The following PIK3R3 variants were observed in gnomAD, a reference collection of about 807,000 sequenced individuals.
PIK3R3 encodes phosphoinositide-3-kinase regulatory subunit 3.
PIK3R3 carries 64 observed loss-of-function variants against 62.9 expected under a neutral mutation model. The ratio of observed to expected loss-of-function variants is 1.02; its 90% CI spans 0.83 to 1.25. PIK3R3 has a LOEUF of 1.25. Among genes scored for constraint, PIK3R3 ranks in the 50% most tolerant of loss-of-function variants. PIK3R3 has a pLI of 0.00. For missense variants in PIK3R3, 614 were observed against 561.6 expected, an observed-to-expected ratio of 1.09 and a Z score of -0.94; for synonymous variants, 165 against 189.0, an observed-to-expected ratio of 0.87 and a Z score of 1.04.
intron 1 of PIK3R3, chr1:46,131,612 TCCC>T: frequency 3.3e-6 from 1 of 300,854 alleles, no homozygotes; most frequent in East Asian, 8.4e-5. Context: ...GGGTCTCTCC[TCCC>T]ACCCCCACTT....
chr1:46,074,850 T>G (rs1649922529), intron 3 of PIK3R3, among the ~76,000 whole-genome samples: 1 of 152,192 alleles, frequency 6.6e-6, no homozygotes, highest in Admixed American at 6.5e-5. Flanking sequence ...AGCAGATACC[T>G]TACAAGGCTG....
At chr1:46,071,730 T>TATATAGAGAGAGAGAGAGAGAG (rs1163343399) in intron 3 of PIK3R3, among the ~76,000 whole-genome samples, 1 of 59,046 alleles carries the variant, frequency 1.7e-5, no homozygotes, top group African/African-American at 7.9e-5. Context: ...TATATATATA[T>TATATAGAGAGAGAGAGAGAGAG]AGAGAGAGAG....
upstream of PIK3R3, among the ~76,000 whole-genome samples, chr1:46,133,425 G>A (rs981847018): frequency 1.3e-5 from 2 of 152,306 alleles, no homozygotes; most frequent in African/African-American, 4.8e-5. Flanking sequence ...CGGACACAGA[G>A]GGGGCACGTT....
At position 46,087,675 on chromosome 1, in the gene PIK3R3, T is replaced by A. The variant is rs148101630; in HGVS notation, c.107-6925A>T. On this transcript the variant is annotated intron_variant, in intron 1 of 9. Coordinates refer to ENST00000262741, the MANE Select transcript of PIK3R3 (RefSeq NM_003629.4). ...GTCTCGAATTCCTGGGCTCAAATGA[T>A]CTTCCTGCCTTGGCCTCCCAAAGTG... Among the ~76,000 whole-genome samples, 171 of 146,670 alleles carry A rather than the reference T, an allele frequency of 1.2e-3. 1 individual carries two copies. The highest frequency in any genetic ancestry group is 9.6e-3 in the Admixed American group (134 of 13,982).
At chr1:46,079,299 A>G (rs931114071) in intron 2 of PIK3R3, among the ~76,000 whole-genome samples, 2 of 152,218 alleles carry the variant, frequency 1.3e-5, no homozygotes, top group Admixed American at 6.5e-5. Flanking sequence ...AGAAAATACA[A>G]TATTCAAATT....
At chr1:46,132,745 T>C (rs1051793186), upstream of PIK3R3, 2 of 1,287,062 alleles carry the variant, frequency 1.6e-6, no homozygotes, top group East Asian at 1.1e-4. Context: ...ACAGCAGGCA[T>C]CACCACCGCC....
chr1:46,082,582 A>T (rs1327541887), intron 1 of PIK3R3, among the ~76,000 whole-genome samples: 1 of 152,194 alleles, frequency 6.6e-6, no homozygotes, highest in Non-Finnish European at 1.5e-5. Flanking sequence ...GTTTGTGGGA[A>T]ATACACACAA....
chr1:46,074,304 AAAAAAAAAAAAAAC>A lies in PIK3R3; in HGVS notation c.314+3197_314+3210del, dbSNP rs1223305336. ...ACTCCGTCAAAAAAAAAAAAAAAAAAAAAAAAAAAAAAACCAATAAATTCAGCCTGACTCAACTT... is the reference window on the plus strand; with the variant it reads ...ACTCCGTCAAAAAAAAAAAAAAAAAACAATAAATTCAGCCTGACTCAACTT... On this transcript the variant is annotated intron_variant, in intron 3 of 9. Coordinates refer to ENST00000262741, the MANE Select transcript of PIK3R3 (RefSeq NM_003629.4). Among the ~76,000 whole-genome samples, 73 of 140,156 alleles carry A rather than the reference AAAAAAAAAAAAAAC, an allele frequency of 5.2e-4. 1 individual carries two copies. Among genetic ancestry groups the A allele is most frequent in the African/African-American group, 1.9e-3 (64 of 33,886 alleles). The allele number at this position is 140,156 out of a possible 152,430, so 91.9% of individuals were successfully genotyped here.
chr1:46,083,469 G>A (rs1378415022), intron 1 of PIK3R3, among the ~76,000 whole-genome samples: 1 of 151,924 alleles, frequency 6.6e-6, no homozygotes, highest in Admixed American at 6.6e-5. Context: ...CTATAGCATG[G>A]GAGAACGTTT....
chr1:46,067,186 G>T, intron 3 of PIK3R3, 95 bp from the exon 4 acceptor site: 3 of 884,618 alleles, frequency 3.4e-6, no homozygotes, highest in Non-Finnish European at 5.1e-6. Context: ...GGTGTCACAT[G>T]ATAAACAAGT....
At chr1:46,153,733 G>A in the PIK3R3 span, among the ~76,000 whole-genome samples, 1 of 152,222 alleles carries the variant, frequency 6.6e-6, no homozygotes, top group African/African-American at 2.4e-5. Context: ...CTCACAGAGA[G>A]TGTACTATCA....
chr1:46,050,722 A>G (rs1457984736), intron 7 of PIK3R3, among the ~76,000 whole-genome samples: 1 of 152,224 alleles, frequency 6.6e-6, no homozygotes, highest in Non-Finnish European at 1.5e-5. Flanking sequence ...ATGAAAAATG[A>G]AAATACACAT....
chr1:46,102,820 A>C (rs1179410329), intron 1 of PIK3R3, among the ~76,000 whole-genome samples: 3 of 150,320 alleles, frequency 2.0e-5, no homozygotes, highest in Non-Finnish European at 3.0e-5. Flanking sequence ...AAAAAAAAAA[A>C]AAAAAAAAAA....
intron 1 of PIK3R3, among the ~76,000 whole-genome samples, chr1:46,097,935 AAAAT>A (rs1461265429): frequency 5.3e-5 from 8 of 152,072 alleles, no homozygotes; most frequent in Non-Finnish European, 8.8e-5. Flanking sequence ...TTAGGGAAGT[AAAAT>A]AAATAAAAAG....
the PIK3R3 span, among the ~76,000 whole-genome samples, chr1:46,147,213 A>G: frequency 2.6e-5 from 4 of 152,244 alleles, no homozygotes; most frequent in South Asian, 4.1e-4. Flanking sequence ...GGTTCAAGCG[A>G]TTCTCCTGCC....
At chr1:46,162,717 GT>G in the PIK3R3 span, among the ~76,000 whole-genome samples, 1 of 152,034 alleles carries the variant, frequency 6.6e-6, no homozygotes, top group African/African-American at 2.4e-5. Context: ...CACCTCCGAG[GT>G]TCAAGTGATT....
chr1:46,105,578 G>A lies in PIK3R3; in HGVS notation c.107-24828C>T, dbSNP rs560060792. On this transcript the variant is annotated intron_variant, in intron 1 of 9. Coordinates refer to ENST00000262741, the MANE Select transcript of PIK3R3 (RefSeq NM_003629.4). ...TGCCTATAATCCTAGCACTTTGGAA[G>A]GCTGAGGCAGGTGGATCACCTGAGG... Among the ~76,000 whole-genome samples the A allele has an allele frequency of 4.6e-4, 70 of 152,230 alleles. 1 individual carries two copies. In the South Asian group the frequency reaches 0.014, roughly 30 times the overall value.
rs1034424823 is a variant in PIK3R3 at position 46,040,692 on chromosome 1, A to C, written c.*2981T>G. 4.8e-6 allele frequency: 1 copy of C among 207,698 alleles called. No homozygotes were observed. Among genetic ancestry groups the C allele is most frequent in the Non-Finnish European group, 9.8e-6 (1 of 101,842 alleles). 12.9% of individuals were successfully genotyped at this position (207,698 alleles called of 1,614,324 possible). On this transcript the variant is annotated 3_prime_UTR_variant, in exon 10 of 10. Transcript: ENST00000262741. The stretch of plus-strand genomic sequence containing the variant: ...CAGGTGCAATTCTCAGTTTAAGAGA[A>C]CACATGGGGCTGATTACTTGTAGCA...
chr1:46,145,066 T>C, the PIK3R3 span, among the ~76,000 whole-genome samples: 4 of 148,392 alleles, frequency 2.7e-5, no homozygotes, highest in African/African-American at 7.5e-5. Flanking sequence ...GAGGTTGTAG[T>C]GAGCTAAGAT....
Sources: allele counts gnomAD v4.1 joint callset (sites outside exome capture counted in the v4.1 genomes callset), GRCh38; gene constraint gnomAD v4.1.1; transcripts MANE v1.5; gene names NCBI Gene and HGNC (gene_info 2026-07-23, HGNC 2026-07-21).